Variants in ARID1A observed in about 807,000 individuals in gnomAD.
ARID1A encodes the protein AT-rich interaction domain 1A.
A neutral mutation model predicts 212.6 loss-of-function variants in ARID1A; 20 were observed. That is an observed-to-expected ratio of 0.09 (90% CI 0.07 to 0.14). The LOEUF is 0.14. Ranked by LOEUF, ARID1A falls within the 10% of genes least tolerant of loss-of-function variation. ARID1A has a pLI of 1.00. For synonymous variants in ARID1A, 1,376 were observed against 1,222.1 expected (o/e 1.13, Z -2.63); for missense variants, 2,587 against 3,059.0 (o/e 0.85, Z 3.64).
chr1:26,726,174 GTT>G (rs1297710813), intron 1 of ARID1A, among the ~76,000 whole-genome samples: 2 of 107,346 alleles, frequency 1.9e-5, no homozygotes. Flanking sequence ...GTTTTTTTTT[GTT>G]TTTTTTTTTT....
intron 4 of ARID1A, among the ~76,000 whole-genome samples, chr1:26,749,512 C>T (rs780719309): frequency 2.0e-5 from 3 of 152,094 alleles, no homozygotes; most frequent in Non-Finnish European, 4.4e-5. Context: ...GTGACCCAGC[C>T]GCTGTTTGCA....
intron 4 of ARID1A, among the ~76,000 whole-genome samples, chr1:26,735,762 T>G (rs1313788548): frequency 6.6e-6 from 1 of 152,218 alleles, no homozygotes; most frequent in Admixed American, 6.5e-5. Flanking sequence ...GATGGCACTT[T>G]GAGAACCTCT....
intron 1 of ARID1A, among the ~76,000 whole-genome samples, chr1:26,708,725 T>G (rs982734277): frequency 6.6e-6 from 1 of 151,936 alleles, no homozygotes; most frequent in African/African-American, 2.4e-5. Context: ...ATGGAGTCTT[T>G]GCTCTGTCGC....
chr1:26,696,942 G>A lies in ARID1A; in HGVS notation c.539G>A (p.Gly180Asp), dbSNP rs553159499. The stretch of plus-strand genomic sequence containing the variant: ...CAACATGGCGGACAACAAAGCCCTG[G>A]CCTGGCAGCGCTGCAGAGCGGCGGC... Reference protein sequence around the residue: ...HQQHGGQQSPGLAALQSGGGG... With the variant: ...HQQHGGQQSPDLAALQSGGGG... The change falls in exon 1 of 20, where the codon GGC (glycine) becomes GAC (aspartate). Residue 180 changes from glycine (G) to aspartate (D), a missense_variant. Gly to Asp is a moderately conservative substitution (Grantham distance 94, BLOSUM62 -1). This residue lies in a region of ARID1A where 735 missense variants were observed against 590.6 expected (regional missense o/e 1.24). Coordinates refer to ENST00000324856, the MANE Select transcript of ARID1A (RefSeq NM_006015.6). 1 of 1,453,282 alleles carries A rather than the reference G, an allele frequency of 6.9e-7. No individual in the cohort carries two copies. The highest frequency in any genetic ancestry group is 9.0e-7 in the Non-Finnish European group (1 of 1,109,364). 90.0% of individuals were successfully genotyped at this position (1,453,282 alleles called of 1,614,324 possible). A position where few individuals can be genotyped will look rare whatever the true frequency, so the allele number is the denominator to read the frequency against.
chr1:26,712,917 T>C (rs181004656), intron 1 of ARID1A, among the ~76,000 whole-genome samples: 1 of 152,350 alleles, frequency 6.6e-6, no homozygotes, highest in East Asian at 1.9e-4. Context: ...AGTGTTCTAA[T>C]TCATTTGGAC....
Position 26,768,150 on chromosome 1 carries a change from G to A in ARID1A, c.3198+151G>A, listed in dbSNP as rs1053227048. ...TAATATTGATAGACCGGGGAGCACA[G>A]GTTTCCCAGAAGATAAGGCAGGAAG... On this transcript the variant is annotated intron_variant, in intron 11 of 19. Transcript: ENST00000324856. 4.5e-6 allele frequency: 4 copies of A among 896,676 alleles called. No individual in the cohort carries two copies. In the East Asian group the frequency reaches 1.1e-4, roughly 24 times the overall value. The allele number at this position is 896,676 out of a possible 1,614,324, so 55.5% of individuals were successfully genotyped here.
chr1:26,749,860 G>GCC (rs1570592405), intron 4 of ARID1A, among the ~76,000 whole-genome samples: 2 of 152,300 alleles, frequency 1.3e-5, no homozygotes, highest in East Asian at 3.9e-4. Flanking sequence ...GCACCCAAGA[G>GCC]CCCCTCCCTT....
rs547230159 is a variant in ARID1A, at chr1:26,696,571, G to C, written c.168G>C (p.Gln56His). 8.1e-7 allele frequency: 1 copy of C among 1,230,734 alleles called. No homozygotes were observed. The highest frequency in any genetic ancestry group is 1.0e-6 in the Non-Finnish European group (1 of 989,266). 76.2% of individuals were successfully genotyped at this position (1,230,734 alleles called of 1,614,324 possible). Residue 56 changes from glutamine to histidine, a missense_variant, in exon 1 of 20, where the codon CAG becomes CAC. By Grantham distance (24) the Gln-to-His change is conservative. This residue lies in a region of ARID1A where 735 missense variants were observed against 590.6 expected (regional missense o/e 1.24). Coordinates refer to ENST00000324856, the MANE Select transcript of ARID1A (RefSeq NM_006015.6). Reference protein sequence around the residue: ...ERGEMKAAAGQESEGPAVGPP... With the variant: ...ERGEMKAAAGHESEGPAVGPP... ...GGGAAATGAAGGCAGCCGCCGGGCA[G>C]GAAAGCGAGGGCCCCGCCGTGGGGC...
chr1:26,700,258 TAA>T (rs1315170377), intron 1 of ARID1A, among the ~76,000 whole-genome samples: 2 of 152,228 alleles, frequency 1.3e-5, no homozygotes, highest in African/African-American at 4.8e-5. Context: ...ATTCTTAAAT[TAA>T]AAAGTCTTGC....
At chr1:26,699,638 T>C (rs2080313140) in intron 1 of ARID1A, among the ~76,000 whole-genome samples, 1 of 152,244 alleles carries the variant, frequency 6.6e-6, no homozygotes, top group Non-Finnish European at 1.5e-5. Context: ...GGAAAAGTTT[T>C]GTCTTAAAAG....
chr1:26,698,921 A>G (rs917451386), intron 1 of ARID1A, among the ~76,000 whole-genome samples: 10 of 152,172 alleles, frequency 6.6e-5, no homozygotes, highest in African/African-American at 2.2e-4. Context: ...GACTGGCCTC[A>G]TTCTTTGTTT....
At chr1:26,723,471 C>T (rs1198817492) in intron 1 of ARID1A, among the ~76,000 whole-genome samples, 2 of 152,110 alleles carry the variant, frequency 1.3e-5, no homozygotes, top group South Asian at 2.1e-4. Flanking sequence ...GGCCATGTGG[C>T]GAGTCATGTG....
chr1:26,744,890 A>C (rs2080822578), intron 4 of ARID1A, among the ~76,000 whole-genome samples: 1 of 152,122 alleles, frequency 6.6e-6, no homozygotes, highest in Non-Finnish European at 1.5e-5. Flanking sequence ...GGTTGTAAAA[A>C]GGGAAGAAGT....
At chr1:26,724,869 A>T (rs1418984338) in intron 1 of ARID1A, among the ~76,000 whole-genome samples, 2 of 152,206 alleles carry the variant, frequency 1.3e-5, no homozygotes, top group African/African-American at 2.4e-5. Context: ...TGATGCCCCT[A>T]AACTGCATCT....
intron 7 of ARID1A, 78 bp from the exon 8 acceptor site, chr1:26,762,895 T>G: frequency 2.3e-6 from 3 of 1,324,330 alleles, no homozygotes; most frequent in Non-Finnish European, 3.1e-6. Flanking sequence ...AATGACATTG[T>G]TTGGTGTTCT....
At chr1:26,750,323 T>G (rs1431201172) in intron 4 of ARID1A, among the ~76,000 whole-genome samples, 1 of 152,224 alleles carries the variant, frequency 6.6e-6, no homozygotes, top group East Asian at 1.9e-4. Context: ...TAAAAAACAA[T>G]TTTAGCCTTT....
At chr1:26,768,492 T>A (rs2081057636) in intron 11 of ARID1A, among the ~76,000 whole-genome samples, 1 of 152,112 alleles carries the variant, frequency 6.6e-6, no homozygotes, top group African/African-American at 2.4e-5. Context: ...TTCAGCAAGG[T>A]TTCTGCCACA....
chr1:26,711,403 G>A (rs2080452522), intron 1 of ARID1A, among the ~76,000 whole-genome samples: 3 of 152,058 alleles, frequency 2.0e-5, no homozygotes, highest in South Asian at 4.1e-4. Context: ...GATTACAGAC[G>A]TGAGCCAGCG....
chr1:26,719,578 G>A (rs1256823690), intron 1 of ARID1A, among the ~76,000 whole-genome samples: 1 of 151,736 alleles, frequency 6.6e-6, no homozygotes, highest in Non-Finnish European at 1.5e-5. Flanking sequence ...TGATTCTGGT[G>A]CCAAGGGATG....
Sources: gnomAD v4.1 joint callset for allele counts (sites outside exome capture counted in the v4.1 genomes callset) on GRCh38, gnomAD v4.1.1 for gene constraint, gnomAD v4.1.1 regional missense constraint, MANE v1.5 for transcripts, NCBI Gene and HGNC (gene_info 2026-07-23, HGNC 2026-07-21) for gene names.